The following XAB2 variants were observed in gnomAD, a reference collection of about 807,000 sequenced individuals.
The protein encoded by XAB2 is XPA binding protein 2, also known as pre-mRNA-splicing factor SYF1.
In XAB2, 57 loss-of-function variants were observed where a neutral mutation model predicts 113.4. That is an observed-to-expected ratio of 0.50 (90% CI 0.41 to 0.63). The LOEUF is 0.63. Among genes scored for constraint, XAB2 ranks in the 20% least tolerant of loss-of-function variants. The pLI, the probability that XAB2 is intolerant of heterozygous loss-of-function variation, is 0.00. For synonymous variants in XAB2, 497 were observed against 498.8 expected (o/e 1.00, Z 0.05); for missense variants, 1,037 against 1,233.3 (o/e 0.84, Z 2.38).
chr19:7,622,930 C>T (rs374209744), intron 9 of XAB2, 37 bp from the exon 10 acceptor site: 2 of 1,606,832 alleles, frequency 1.2e-6, no homozygotes, highest in Non-Finnish European at 1.7e-6. Flanking sequence ...GAGACCCTGC[C>T]CACCTGGACA....
At chr19:7,621,076 G>A (rs768435346) in intron 13 of XAB2, 40 bp from the exon 14 acceptor site, 16 of 1,539,014 alleles carry the variant, frequency 1.0e-5, no homozygotes, top group African/African-American at 4.1e-5. Context: ...ACGGTCAGCC[G>A]GGGCCAGTCA....
chr19:7,621,364 C>G, intron 12 of XAB2, 67 bp from the exon 13 acceptor site: 1 of 1,578,304 alleles, frequency 6.3e-7, no homozygotes, highest in Admixed American at 1.7e-5. Context: ...CCGGGATGTC[C>G]TTGGGTGGCG....
At position 7,629,489 on chromosome 19, in the gene XAB2, CGGCCGCTCG is replaced by C. The variant is rs1299549618; in HGVS notation, c.30_38del (p.Glu11_Pro13del). 10 of 1,602,274 alleles carry C rather than the reference CGGCCGCTCG, an allele frequency of 6.2e-6. No individual in the cohort carries two copies. The highest frequency in any genetic ancestry group is 8.5e-6 in the Non-Finnish European group (10 of 1,174,934). The stretch of plus-strand genomic sequence containing the variant: ...TCTGTGGACTCACGAAGACAAGGTC[CGGCCGCTCG>C]GGCCGCGAGAGTCGCGCCATCACCA... On this transcript the variant is annotated inframe_deletion, in exon 1 of 19. Coordinates refer to ENST00000358368, the MANE Select transcript of XAB2 (RefSeq NM_020196.3).
chr19:7,620,837 G>A lies in XAB2; in HGVS notation c.1971+9C>T, dbSNP rs372355457. ...CTCTGGCCCCGGCCCAGCCCCCCAC[G>A]GTGGGTACCTCAATGGCCTTCTGGT... On this transcript the variant is annotated intron_variant, in intron 14 of 18. Coordinates refer to ENST00000358368, the MANE Select transcript of XAB2 (RefSeq NM_020196.3). 1.0e-4 allele frequency: 160 copies of A among 1,572,830 alleles called. No homozygotes were observed. In the African/African-American group the frequency reaches 1.5e-3, roughly 15 times the overall value.
chr19:7,622,380 T>G lies in XAB2; in HGVS notation c.1568A>C (p.Asn523Thr), dbSNP rs982987230. ...GTGCTCCTCCAGGAACATGGCATAG[T>G]TGATGACGATCTGGGGTGTTGCGAT... ...LRIATPQIVI[N>T]YAMFLEEHKY... Residue 523 changes from asparagine to threonine, a missense_variant, in exon 12 of 19, where the codon AAC becomes ACC. Transcript: ENST00000358368. 6.2e-7 allele frequency: 1 copy of G among 1,614,220 alleles called. No homozygotes were observed. The highest frequency in any genetic ancestry group is 2.2e-5 in the East Asian group (1 of 44,886).
chr19:7,627,503 C>G lies in XAB2; in HGVS notation c.325-63G>C, dbSNP rs1273880194. 6.4e-7 allele frequency: 1 copy of G among 1,561,546 alleles called. No individual in the cohort carries two copies. Among genetic ancestry groups the G allele is most frequent in the African/African-American group, 1.4e-5 (1 of 73,704 alleles). On this transcript the variant is annotated intron_variant, in intron 3 of 18. Transcript: ENST00000358368. This position sits in a 1 kb window ranked among gnomAD's most constrained non-coding sequence, Gnocchi z 4.5. The stretch of plus-strand genomic sequence containing the variant: ...GGACTCCATGGCCTGGCCACAGACA[C>G]TCGATGTCCTGTGGCTGAGCCACAC...
rs1305212431 is a variant in XAB2 at position 7,622,372 on chromosome 19, T to C, written c.1576A>G (p.Met526Val). The C allele has an allele frequency of 3.7e-6, 6 of 1,614,062 alleles. No homozygotes were observed. The highest frequency in any genetic ancestry group is 1.3e-5 in the African/African-American group (1 of 74,914). Residue 526 changes from methionine (M) to valine (V), a missense_variant, in exon 12 of 19, where the codon ATG (methionine) becomes GTG (valine). Met to Val is a conservative substitution (Grantham distance 21). Coordinates refer to ENST00000358368, the MANE Select transcript of XAB2 (RefSeq NM_020196.3). ...ATPQIVINYA[M>V]FLEEHKYFEE... ...AAGTACTTGTGCTCCTCCAGGAACA[T>C]GGCATAGTTGATGACGATCTGGGGT...
At position 7,622,444 on chromosome 19, in the gene XAB2, A is replaced by C. The variant is rs533107326; in HGVS notation, c.1504T>G (p.Ser502Ala). 1 of 1,614,054 alleles carries C rather than the reference A, an allele frequency of 6.2e-7. No homozygotes were observed. The highest frequency in any genetic ancestry group is 1.1e-5 in the South Asian group (1 of 91,078). The change falls in exon 12 of 19, where the codon TCC (serine) becomes GCC (alanine). Residue 502 changes from serine to alanine, a missense_variant and splice_region_variant. Ser to Ala is a moderately conservative substitution (Grantham distance 99, BLOSUM62 1). Coordinates refer to ENST00000358368, the MANE Select transcript of XAB2 (RefSeq NM_020196.3). The stretch of plus-strand genomic sequence containing the variant: ...ATGCGGTCGTACACGGCCTTGGTGG[A>C]CTGCAGGGGTGGGGATGGGAAAGGT... Reference protein sequence around the residue: ...DLEESLGTFQSTKAVYDRILD... With the variant: ...DLEESLGTFQATKAVYDRILD...
chr19:7,621,144 A>C lies in XAB2; in HGVS notation c.1771T>G (p.Tyr591Asp). Residue 591 changes from tyrosine (Y) to aspartate (D), a missense_variant, in exon 13 of 19, where the codon TAT (tyrosine) becomes GAT (aspartate). Physicochemically the swap from Tyr to Asp is radical, Grantham distance 160. Transcript: ENST00000358368. ...CCTCTGCCCGCCTCACTCTTGGCAT[A>C]TTTTGGGGGGCAGCCGTCCAGAGCC... ...EQALDGCPPK[Y>D]AKTLYLLYAQ... The C allele has an allele frequency of 6.2e-7, 1 of 1,601,206 alleles. No individual in the cohort carries two copies. Among genetic ancestry groups the C allele is most frequent in the Admixed American group, 1.7e-5 (1 of 58,990 alleles).
Position 7,625,833 on chromosome 19 carries a change from G to A in XAB2, c.822+47C>T. The A allele has an allele frequency of 1.3e-6, 2 of 1,558,520 alleles. No individual in the cohort carries two copies. Among genetic ancestry groups the A allele is most frequent in the Non-Finnish European group, 1.7e-6 (2 of 1,148,494 alleles). On this transcript the variant is annotated intron_variant, in intron 6 of 18. Coordinates refer to ENST00000358368, the MANE Select transcript of XAB2 (RefSeq NM_020196.3). This position sits in a 1 kb window ranked among gnomAD's most constrained non-coding sequence, Gnocchi z 5.2. The stretch of plus-strand genomic sequence containing the variant: ...TGTCAACATGTGTCCCCGAGTGTCG[G>A]AGGGAGACCCCGCCCCGAACCCAGA...
chr19:7,626,313 G>C (rs779671810), intron 4 of XAB2, 43 bp from the exon 5 acceptor site: 12 of 1,589,326 alleles, frequency 7.6e-6, no homozygotes, highest in East Asian at 4.5e-5. Flanking sequence ...GGGGTGGCAG[G>C]GCTACGCCCA....
chr19:7,621,337 T>TA (rs748667074), intron 12 of XAB2, 40 bp from the exon 13 acceptor site: 31 of 1,603,098 alleles, frequency 1.9e-5, no homozygotes, highest in Non-Finnish European at 2.4e-5. Flanking sequence ...AGTCTGCAGA[T>TA]AGAGACCACC....
intron 13 of XAB2, 41 bp downstream of exon 13, chr19:7,621,094 A>AAAC: frequency 3.3e-6 from 5 of 1,494,478 alleles, no homozygotes; most frequent in Non-Finnish European, 3.6e-6. Context: ...TCAGAAACCC[A>AAAC]GCCCGCCCGC....
intron 13 of XAB2, 40 bp downstream of exon 13, chr19:7,621,095 G>GGCCCCCCCCCCCCCCC: frequency 5.4e-6 from 8 of 1,486,210 alleles, no homozygotes; most frequent in South Asian, 1.2e-5. Context: ...CAGAAACCCA[G>GGCCCCCCCCCCCCCCC]CCCGCCCGCC....
At position 7,628,034 on chromosome 19, in the gene XAB2, G is replaced by A; in HGVS notation, c.200+116C>T. The A allele has an allele frequency of 6.8e-7, 1 of 1,474,660 alleles. No homozygotes were observed. Among genetic ancestry groups the A allele is most frequent in the South Asian group, 1.3e-5 (1 of 78,348 alleles). The allele number at this position is 1,474,660 out of a possible 1,614,324, so 91.3% of individuals were successfully genotyped here. A position where few individuals can be genotyped will look rare whatever the true frequency, so the allele number is the denominator to read the frequency against. ...TGCTGACCCATCAAGGGATGTACAG[G>A]TCAGTGATGAAACACGAAGCAATCA... On this transcript the variant is annotated intron_variant, in intron 2 of 18. Coordinates refer to ENST00000358368, the MANE Select transcript of XAB2 (RefSeq NM_020196.3). The surrounding 1 kb of genome is among the most constrained non-coding windows in gnomAD (Gnocchi z 4.6).
chr19:7,627,982 G>A lies in XAB2; in HGVS notation c.201-131C>T, dbSNP rs2031176287. The A allele has an allele frequency of 6.8e-7, 1 of 1,478,762 alleles. No homozygotes were observed. The highest frequency in any genetic ancestry group is 1.3e-5 in the South Asian group (1 of 78,500). The allele number at this position is 1,478,762 out of a possible 1,614,324, so 91.6% of individuals were successfully genotyped here. A position where few individuals can be genotyped will look rare whatever the true frequency, so the allele number is the denominator to read the frequency against. ...GGGTGACATGTCTCAGCAATGACAG[G>A]GACAGACTGGGACATCAGAGAAGGT... On this transcript the variant is annotated intron_variant, in intron 2 of 18. Coordinates refer to ENST00000358368, the MANE Select transcript of XAB2 (RefSeq NM_020196.3). This position sits in a 1 kb window ranked among gnomAD's most constrained non-coding sequence, Gnocchi z 4.5.
rs1599375044 is a variant in XAB2 at position 7,628,352 on chromosome 19, C to T, written c.52-54G>A. 1 of 1,605,282 alleles carries T rather than the reference C, an allele frequency of 6.2e-7. No homozygotes were observed. The highest frequency in any genetic ancestry group is 2.2e-5 in the East Asian group (1 of 44,724). On this transcript the variant is annotated intron_variant, in intron 1 of 18. Coordinates refer to ENST00000358368, the MANE Select transcript of XAB2 (RefSeq NM_020196.3). The surrounding 1 kb of genome is among the most constrained non-coding windows in gnomAD (Gnocchi z 4.6). ...GAGGCCTACCCTCAGAGCCTGTGTGCAGCACCATCCCACTGCTGGGGCTCA... is the reference window on the plus strand; with the variant it reads ...GAGGCCTACCCTCAGAGCCTGTGTGTAGCACCATCCCACTGCTGGGGCTCA...
In XAB2 at chr19:7,629,476, C is replaced by G; in HGVS notation, c.51+1G>C. 3 of 1,598,450 alleles carry G rather than the reference C, an allele frequency of 1.9e-6. No individual in the cohort carries two copies. The highest frequency in any genetic ancestry group is 2.6e-6 in the Non-Finnish European group (3 of 1,172,868). ...CACCCCCGGCTCCTCTGTGGACTCACGAAGACAAGGTCCGGCCGCTCGGGC... is the reference window on the plus strand; with the variant it reads ...CACCCCCGGCTCCTCTGTGGACTCAGGAAGACAAGGTCCGGCCGCTCGGGC... On this transcript the variant is annotated splice_donor_variant, in intron 1 of 18. Coordinates refer to ENST00000358368, the MANE Select transcript of XAB2 (RefSeq NM_020196.3). LOFTEE classifies it high-confidence loss of function.
At position 7,621,242 on chromosome 19, in the gene XAB2, C is replaced by T. The variant is rs747114840; in HGVS notation, c.1673G>A (p.Ser558Asn). The change falls in exon 13 of 19, where the codon AGC (serine) becomes AAC (asparagine). Residue 558 changes from serine to asparagine, a missense_variant. Transcript: ENST00000358368. ...FKWPNVSDIW[S>N]TYLTKFIARY... ...GGCAATGAATTTGGTCAGGTAGGTG[C>T]TCCAGATGTCGGACACGTTGGGCCA... The T allele has an allele frequency of 7.4e-6, 12 of 1,613,046 alleles. No individual in the cohort carries two copies. The East Asian group carries it at 2.7e-4, about 36-fold the overall frequency.
Sources: allele counts gnomAD v4.1 joint callset, GRCh38; gene constraint gnomAD v4.1.1; non-coding constraint Gnocchi (gnomAD v3.1); transcripts MANE v1.5; gene names NCBI Gene and HGNC (gene_info 2026-07-23, HGNC 2026-07-21).